Variants in ZNF789 observed in about 807,000 individuals in gnomAD.
ZNF789 encodes zinc finger protein 789.
Under a neutral mutation model 15.6 loss-of-function variants are expected in ZNF789, and 11 were observed. The ratio of observed to expected loss-of-function variants is 0.70; its 90% CI spans 0.44 to 1.16. The LOEUF is 1.16. ZNF789 is among the 50% of genes most tolerant of loss of function. The probability of loss-of-function intolerance (pLI) is 0.00; values close to 1 mark genes in which losing one functional copy is unlikely to be tolerated. For missense variants in ZNF789, 461 were observed against 512.6 expected, an observed-to-expected ratio of 0.90 and a Z score of 0.97; for synonymous variants, 159 against 176.0, an observed-to-expected ratio of 0.90 and a Z score of 0.76.
intron 2 of ZNF789, chr7:99,478,161 G>C (rs912534115): frequency 7.0e-5 from 44 of 632,030 alleles, no homozygotes; most frequent in Non-Finnish European, 9.8e-5. Context: ...ACATACTTTT[G>C]CTAAAAATCA....
chr7:99,484,251 T>C (rs1348695117), intron 4 of ZNF789, 108 bp downstream of exon 4: 2 of 785,286 alleles, frequency 2.5e-6, no homozygotes, highest in East Asian at 5.2e-5. Context: ...TGGGCATATA[T>C]TATCCCACTT....
intron 2 of ZNF789, among the ~76,000 whole-genome samples, chr7:99,477,993 C>T (rs969635834): frequency 7.2e-5 from 11 of 152,098 alleles, no homozygotes; most frequent in African/African-American, 2.7e-4. Context: ...AAAAATGGAA[C>T]TTTTAAGCAA....
intron 2 of ZNF789, chr7:99,479,154 A>G (rs1345930453): frequency 1.3e-5 from 2 of 153,032 alleles, no homozygotes; most frequent in African/African-American, 4.8e-5. Flanking sequence ...TAGTCTGCAC[A>G]TTAACCAACC....
chr7:99,485,461 C>T lies in ZNF789; in HGVS notation c.266-1015C>T, dbSNP rs901190579. The stretch of plus-strand genomic sequence containing the variant: ...TCTATTCAGTTGGCTTTTGTCCCTA[C>T]TTCCCTCTGGTTCCTTTTCTATGCT... On this transcript the variant is annotated intron_variant, in intron 4 of 4. Coordinates refer to ENST00000331410, the MANE Select transcript of ZNF789 (RefSeq NM_213603.3). The T allele has an allele frequency of 5.9e-5, 35 of 589,304 alleles. No homozygotes were observed. The South Asian group carries it at 6.6e-4, about 11-fold the overall frequency. 36.5% of individuals were successfully genotyped at this position (589,304 alleles called of 1,614,324 possible). A position where few individuals can be genotyped will look rare whatever the true frequency, so the allele number is the denominator to read the frequency against.
Position 99,487,227 on chromosome 7 carries a change from C to T in ZNF789, c.1017C>T (p.Asn339=). The change falls in exon 5 of 5, where the codon AAC becomes AAT. Residue 339 remains asparagine, a synonymous_variant. Coordinates refer to ENST00000331410, the MANE Select transcript of ZNF789 (RefSeq NM_213603.3). ...ATCAACAGATTCACAGTAAACCGAA[C>T]ACCCATAAATGCAGTGAATGTGGAC... ...LCHQQIHSKP[N]THKCSECGQS... is the part of the protein sequence containing the mutation. 6.2e-7 allele frequency: 1 copy of T among 1,614,170 alleles called. No individual in the cohort carries two copies. Among genetic ancestry groups the T allele is most frequent in the Non-Finnish European group, 8.5e-7 (1 of 1,180,044 alleles).
chr7:99,487,487 G>T lies in ZNF789; in HGVS notation c.1277G>T (p.Ter426LeuextTer2), dbSNP rs773185380. 9 of 1,604,926 alleles carry T rather than the reference G, an allele frequency of 5.6e-6. No individual in the cohort carries two copies. Among genetic ancestry groups the T allele is most frequent in the Admixed American group, 1.7e-5 (1 of 58,622 alleles). The change falls in exon 5 of 5, where the codon TGA (stop) becomes TTA (leucine). Residue 426 changes from the stop codon to leucine, a stop_lost. Coordinates refer to ENST00000331410, the MANE Select transcript of ZNF789 (RefSeq NM_213603.3). ...ACTCACAAAGGACAGATATCCACAT[G>T]ATGTTAATTGGAAAGCAGTCATTGG... ...QGTHKGQIST[*>L]
At chr7:99,483,085 CT>C (rs1799733568) in intron 3 of ZNF789, among the ~76,000 whole-genome samples, 1 of 148,662 alleles carries the variant, frequency 6.7e-6, no homozygotes, top group Admixed American at 6.7e-5. Flanking sequence ...TAAAAATTAG[CT>C]GGGCGTGGTG....
chr7:99,473,823 G>T (rs1799154114), intron 1 of ZNF789, among the ~76,000 whole-genome samples: 1 of 152,028 alleles, frequency 6.6e-6, no homozygotes, highest in Non-Finnish European at 1.5e-5. Context: ...GTTTCACTAT[G>T]TTGGCCAGGC....
At chr7:99,478,352 T>C (rs1213352323) in intron 2 of ZNF789, 1 of 1,289,592 alleles carries the variant, frequency 7.8e-7, no homozygotes, top group Non-Finnish European at 1.0e-6. Flanking sequence ...ACACTCTGGA[T>C]AATGGTGAGA....
At chr7:99,480,163 T>C in intron 3 of ZNF789, 1 of 227,080 alleles carries the variant, frequency 4.4e-6, no homozygotes, top group Non-Finnish European at 8.5e-6. Flanking sequence ...CAGCTCTACT[T>C]AAGATGCGAA....
At chr7:99,480,021 C>T (rs1799537432) in intron 3 of ZNF789, 1 of 497,006 alleles carries the variant, frequency 2.0e-6, no homozygotes, top group Non-Finnish European at 3.4e-6. Flanking sequence ...ATCTGTATAC[C>T]CAACTTCAGA....
At chr7:99,474,167 A>C (rs1799171078) in intron 1 of ZNF789, among the ~76,000 whole-genome samples, 1 of 152,258 alleles carries the variant, frequency 6.6e-6, no homozygotes, top group South Asian at 2.1e-4. Context: ...AATATAGTGC[A>C]GGGGTGTCCA....
At chr7:99,481,445 T>C (rs1403521192) in intron 3 of ZNF789, 4 of 152,186 alleles carry the variant, frequency 2.6e-5, no homozygotes, top group African/African-American at 9.7e-5. Context: ...TATCCAATAG[T>C]AACATTTTAG....
At chr7:99,478,365 G>A (rs1308454221) in intron 2 of ZNF789, 4 of 1,289,460 alleles carry the variant, frequency 3.1e-6, no homozygotes, top group Non-Finnish European at 3.0e-6. Context: ...TGGTGAGAAA[G>A]GGCCTGCAAC....
rs146588930 is a variant in ZNF789 at position 99,473,708 on chromosome 7, A to G, written c.-55+652A>G. ...CAATCTCGACTCACTGCAACCTCCAACTCCCGGGTTCAAGCGATTCTCCTG... is the reference window on the plus strand; with the variant it reads ...CAATCTCGACTCACTGCAACCTCCAGCTCCCGGGTTCAAGCGATTCTCCTG... On this transcript the variant is annotated intron_variant, in intron 1 of 4. Transcript: ENST00000331410. 7.2e-5 allele frequency among the ~76,000 whole-genome samples: 11 copies of G among 151,990 alleles called. No homozygotes were observed. The East Asian group carries it at 1.9e-3, about 27-fold the overall frequency.
At chr7:99,479,462 G>A (rs768476103) in intron 2 of ZNF789, 199 bp from the exon 3 acceptor site, 17 of 462,512 alleles carry the variant, frequency 3.7e-5, no homozygotes, top group Non-Finnish European at 5.8e-5. Flanking sequence ...TAATTGTGTC[G>A]ACCCCGTGGT....
At chr7:99,476,083 G>A (rs1051672922) in intron 1 of ZNF789, among the ~76,000 whole-genome samples, 7 of 152,278 alleles carry the variant, frequency 4.6e-5, no homozygotes, top group Middle Eastern at 3.4e-3. Flanking sequence ...GATTATAGGC[G>A]TGAGCCACCG....
intron 2 of ZNF789, chr7:99,478,434 T>A: frequency 5.1e-6 from 6 of 1,175,674 alleles, no homozygotes; most frequent in Non-Finnish European, 6.8e-6. Context: ...ATTTGGGAGG[T>A]TCTGGTGCCT....
intron 4 of ZNF789, chr7:99,485,240 T>A: frequency 6.5e-7 from 1 of 1,534,954 alleles, no homozygotes; most frequent in South Asian, 1.2e-5. Context: ...AGGTTTCTCC[T>A]CCATGGCACT....
Sources: allele counts gnomAD v4.1 joint callset (sites outside exome capture counted in the v4.1 genomes callset), GRCh38; gene constraint gnomAD v4.1.1; transcripts MANE v1.5; gene names NCBI Gene and HGNC (gene_info 2026-07-23, HGNC 2026-07-21).